The following ABCG2 variants were observed in gnomAD, a reference collection of about 807,000 sequenced individuals.
The protein encoded by ABCG2 is ATP binding cassette subfamily G member 2 (JR blood group).
A neutral mutation model predicts 73.5 loss-of-function variants in ABCG2; 80 were observed. The observed-to-expected ratio is 1.09, with a 90% CI of 0.91 to 1.31. The LOEUF is 1.31. Among genes scored for constraint, ABCG2 ranks in the 50% most tolerant of loss-of-function variants. ABCG2 has a pLI of 0.00. For missense variants in ABCG2, 796 were observed against 786.2 expected (o/e 1.01, Z -0.15); for synonymous variants, 269 against 282.4 (o/e 0.95, Z 0.48).
intron 8 of ABCG2, among the ~76,000 whole-genome samples, chr4:88,114,338 T>G (rs768950078): frequency 2.6e-5 from 4 of 152,144 alleles, no homozygotes; most frequent in Non-Finnish European, 5.9e-5. Flanking sequence ...TATAAAATTC[T>G]GGTCGTGGCC....
rs1316765343 is a variant in ABCG2 at position 88,092,031 on chromosome 4, T to A, written c.*203A>T. 3 of 491,024 alleles carry A rather than the reference T, an allele frequency of 6.1e-6. No individual in the cohort carries two copies. Among genetic ancestry groups the A allele is most frequent in the East Asian group, 6.8e-5 (2 of 29,464 alleles). The allele number at this position is 491,024 out of a possible 1,614,324, so 30.4% of individuals were successfully genotyped here. ...GTTACTGTCTGAGGAGATTAACTAA[T>A]ATGCGATACATGATGTCTTGGGTTC... On this transcript the variant is annotated 3_prime_UTR_variant, in exon 16 of 16. Transcript: ENST00000237612.
intron 1 of ABCG2, among the ~76,000 whole-genome samples, chr4:88,203,811 A>G (rs1205406938): frequency 6.6e-6 from 1 of 151,928 alleles, no homozygotes; most frequent in African/African-American, 2.4e-5. Context: ...TTCCTTAAAC[A>G]TGAGAAGGCA....
Position 88,094,672 on chromosome 4 carries a change from T to A in ABCG2, c.1738-13A>T, listed in dbSNP as rs1189345716. 6.2e-7 allele frequency: 1 copy of A among 1,605,244 alleles called. No individual in the cohort carries two copies. The highest frequency in any genetic ancestry group is 8.5e-7 in the Non-Finnish European group (1 of 1,172,030). ...TATGCTGCAAAGCCTATAACACAAGTGGGAGCAGGGCAAGGTAAACAGTTT... is the reference window on the plus strand; with the variant it reads ...TATGCTGCAAAGCCTATAACACAAGAGGGAGCAGGGCAAGGTAAACAGTTT... On this transcript the variant is annotated splice_polypyrimidine_tract_variant and intron_variant, in intron 14 of 15. Coordinates refer to ENST00000237612, the MANE Select transcript of ABCG2 (RefSeq NM_004827.3).
intron 9 of ABCG2, among the ~76,000 whole-genome samples, chr4:88,110,436 G>A (rs1723058622): frequency 1.3e-5 from 2 of 151,966 alleles, no homozygotes; most frequent in South Asian, 2.1e-4. Flanking sequence ...CCAGCTACTC[G>A]GGAGGCTGAG....
intron 1 of ABCG2, among the ~76,000 whole-genome samples, chr4:88,210,184 TACACACACACACACACAC>T (rs36209812): frequency 1.3e-5 from 2 of 149,480 alleles, no homozygotes; most frequent in South Asian, 2.1e-4. Context: ...TAAGTAATCC[TACACACACACACACACAC>T]ACACACACAC....
intron 1 of ABCG2, among the ~76,000 whole-genome samples, chr4:88,230,070 G>A (rs1730392554): frequency 6.7e-6 from 1 of 149,532 alleles, no homozygotes; most frequent in African/African-American, 2.5e-5. Context: ...TTAGCTCACT[G>A]CAAATGCTGC....
chr4:88,153,308 G>C (rs1230422378), intron 1 of ABCG2, among the ~76,000 whole-genome samples: 2 of 152,028 alleles, frequency 1.3e-5, no homozygotes, highest in East Asian at 1.9e-4. Flanking sequence ...GTTTTTGGGG[G>C]CGCAGTCCAA....
chr4:88,184,943 G>A (rs1245521097), intron 1 of ABCG2, among the ~76,000 whole-genome samples: 1 of 152,038 alleles, frequency 6.6e-6, no homozygotes, highest in Non-Finnish European at 1.5e-5. Context: ...ACATACAGTG[G>A]GAAAAGAATA....
Position 88,125,607 on chromosome 4 carries a change from C to CAAAAAAA in ABCG2, c.532-3822_532-3816dup, listed in dbSNP as rs70957302. ...TGGGCAACAGAGCAAGACTCTGTCT[C>CAAAAAAA]AAAAAAAAAAAAAAAAAAAAAAAAA... is the stretch of plus-strand genomic sequence containing the variant. On this transcript the variant is annotated intron_variant, in intron 5 of 15. Transcript: ENST00000237612. 7.1e-3 allele frequency among the ~76,000 whole-genome samples: 249 copies of CAAAAAAA among 34,996 alleles called. 24 individuals are homozygous for CAAAAAAA. Among genetic ancestry groups the CAAAAAAA allele is most frequent in the Middle Eastern group, 0.045 (1 of 22 alleles). 23.0% of individuals were successfully genotyped at this position (34,996 alleles called of 152,430 possible).
At chr4:88,143,032 T>C (rs1408521140) in intron 1 of ABCG2, among the ~76,000 whole-genome samples, 2 of 152,258 alleles carry the variant, frequency 1.3e-5, no homozygotes, top group East Asian at 3.8e-4. Flanking sequence ...CATTATTTCC[T>C]ATACAATATA....
intron 1 of ABCG2, among the ~76,000 whole-genome samples, chr4:88,173,975 C>T (rs1727857100): frequency 6.6e-6 from 1 of 152,210 alleles, no homozygotes; most frequent in South Asian, 2.1e-4. Flanking sequence ...CACTCACACT[C>T]TCTTATTTCC....
chr4:88,142,906 C>T (rs371789150), intron 1 of ABCG2, among the ~76,000 whole-genome samples: 1 of 151,996 alleles, frequency 6.6e-6, no homozygotes, highest in African/African-American at 2.4e-5. Flanking sequence ...CGAGATCATG[C>T]CACTGCACTC....
chr4:88,171,039 G>A (rs554317468), intron 1 of ABCG2, among the ~76,000 whole-genome samples: 2 of 152,206 alleles, frequency 1.3e-5, no homozygotes, highest in East Asian at 1.9e-4. Flanking sequence ...AATATCACAT[G>A]TTCTCACTTA....
intron 8 of ABCG2, among the ~76,000 whole-genome samples, chr4:88,114,272 T>C (rs1479793740): frequency 6.6e-6 from 1 of 152,242 alleles, no homozygotes; most frequent in Admixed American, 6.5e-5. Context: ...TGACGTTTTC[T>C]ATTTGACCTT....
intron 2 of ABCG2, among the ~76,000 whole-genome samples, chr4:88,134,278 T>A (rs1578213219): frequency 1.3e-5 from 2 of 152,288 alleles, no homozygotes; most frequent in East Asian, 3.9e-4. Flanking sequence ...CCCTGAGCAT[T>A]TACTGCCTGT....
chr4:88,137,061 A>AAAATAAAATAAAATAAAATAAAATAAAAT (rs1402480427), intron 2 of ABCG2, among the ~76,000 whole-genome samples: 8 of 149,734 alleles, frequency 5.3e-5, no homozygotes, highest in East Asian at 1.9e-4. Flanking sequence ...AAAATAAAAT[A>AAAATAAAATAAAATAAAATAAAATAAAAT]AGAATGAGGA....
chr4:88,132,628 T>C lies in ABCG2; in HGVS notation c.211A>G (p.Met71Val), dbSNP rs148475733. 7.3e-4 allele frequency: 1,173 copies of C among 1,614,198 alleles called. 5 individuals are homozygous for C. The highest frequency in any genetic ancestry group is 3.8e-3 in the Middle Eastern group (23 of 6,062). Residue 71 changes from methionine (M) to valine (V), a missense_variant, in exon 3 of 16, where the codon ATG becomes GTG. Physicochemically the swap from Met to Val is conservative, Grantham distance 21. Transcript: ENST00000237612. Reference sequence around the variant, plus strand: ...AGGATGGCGTTGAGACCAGGTTTCATGATCCCACTGTAAACACAAAAACAG... The same window carrying C: ...AGGATGGCGTTGAGACCAGGTTTCACGATCCCACTGTAAACACAAAAACAG... ...KEILSNINGI[M>V]KPGLNAILGP...
At chr4:88,157,756 T>G (rs1002309534) in intron 1 of ABCG2, among the ~76,000 whole-genome samples, 14 of 152,156 alleles carry the variant, frequency 9.2e-5, no homozygotes, top group Non-Finnish European at 2.1e-4. Flanking sequence ...AAAACATCTC[T>G]TCCTTACTAC....
upstream of ABCG2, among the ~76,000 whole-genome samples, chr4:88,160,519 C>T (rs566670254): frequency 6.6e-6 from 1 of 151,978 alleles, no homozygotes; most frequent in Non-Finnish European, 1.5e-5. Context: ...TTGAATATAG[C>T]ATTCTGTAAT....
Sources: allele counts gnomAD v4.1 joint callset (sites outside exome capture counted in the v4.1 genomes callset), GRCh38; gene constraint gnomAD v4.1.1; transcripts MANE v1.5; gene names NCBI Gene and HGNC (gene_info 2026-07-23, HGNC 2026-07-21).